Variants in BRWD1 observed in about 807,000 individuals in gnomAD.
BRWD1 encodes the protein bromodomain and WD repeat domain containing 1.
In BRWD1, 82 loss-of-function variants were observed where a neutral mutation model predicts 251.2. The ratio of observed to expected loss-of-function variants is 0.33; its 90% CI spans 0.27 to 0.39. The LOEUF (loss-of-function observed/expected upper bound fraction) is 0.39, where lower values mean the gene tolerates loss of function less well. BRWD1 is among the 10% of genes least tolerant of loss of function. BRWD1 has a pLI of 1.00. For missense variants in BRWD1, 2,233 were observed against 2,711.6 expected, an observed-to-expected ratio of 0.82 and a Z score of 3.92; for synonymous variants, 918 against 902.8, an observed-to-expected ratio of 1.02 and a Z score of -0.30.
chr21:39,232,907 T>C (rs1331192106), intron 23 of BRWD1, among the ~76,000 whole-genome samples: 5 of 152,174 alleles, frequency 3.3e-5, no homozygotes, highest in Non-Finnish European at 1.5e-5. Context: ...AAAATATGCC[T>C]ACAAATTCCC....
At position 39,296,500 on chromosome 21, in the gene BRWD1, G is replaced by A. The variant is rs1374095610; in HGVS notation, c.350-137C>T. ...TAGTATACTTTAACAGAAAAGCCCT[G>A]GAGGTTTATTAGACTATTTCTGAAG... On this transcript the variant is annotated intron_variant, in intron 5 of 40. Coordinates refer to ENST00000342449, the MANE Select transcript of BRWD1 (RefSeq NM_033656.4). 3.2e-6 allele frequency: 4 copies of A among 1,262,072 alleles called. No homozygotes were observed. The African/African-American group carries it at 4.6e-5, about 15-fold the overall frequency. The allele number at this position is 1,262,072 out of a possible 1,614,324, so 78.2% of individuals were successfully genotyped here.
Position 39,194,600 on chromosome 21 carries a change from A to G in BRWD1, c.*1659T>C. ...TGTCCAAAAACATCCTTCCCCATGC[A>G]TCAGAGTAGAAAGAAAATGTACCTT... On this transcript the variant is annotated 3_prime_UTR_variant, in exon 41 of 41. Coordinates refer to ENST00000342449, the MANE Select transcript of BRWD1 (RefSeq NM_033656.4). 1.3e-6 allele frequency: 2 copies of G among 1,503,558 alleles called. No individual in the cohort carries two copies. Among genetic ancestry groups the G allele is most frequent in the Non-Finnish European group, 1.8e-6 (2 of 1,130,468 alleles). The allele number at this position is 1,503,558 out of a possible 1,614,324, so 93.1% of individuals were successfully genotyped here. A position where few individuals can be genotyped will look rare whatever the true frequency, so the allele number is the denominator to read the frequency against.
chr21:39,271,707 A>AAAG (rs1424326540), intron 13 of BRWD1, among the ~76,000 whole-genome samples: 63 of 150,574 alleles, frequency 4.2e-4, no homozygotes, highest in African/African-American at 1.3e-3. Context: ...AAAAAAAAAA[A>AAAG]AAAAAAAAAA....
rs1178481234 is a variant in BRWD1, at chr21:39,202,349, T to C, written c.4561A>G (p.Ile1521Val). ...CCAGATAATGTAGAACCATTTGTTA[T>C]AGGTCTATTTCTTTTCCTCCTTTCT... ...SSERRKRNRP[I>V]TNGSTLSESE... The change falls in exon 38 of 41, where the codon ATA becomes GTA. Residue 1521 changes from isoleucine to valine, a missense_variant. Coordinates refer to ENST00000342449, the MANE Select transcript of BRWD1 (RefSeq NM_033656.4). 21 of 1,612,982 alleles carry C rather than the reference T, an allele frequency of 1.3e-5. No individual in the cohort carries two copies. Among genetic ancestry groups the C allele is most frequent in the Non-Finnish European group, 1.6e-5 (19 of 1,179,276 alleles).
chr21:39,312,768 C>T, intron 4 of BRWD1, 73 bp downstream of exon 4: 2 of 1,328,574 alleles, frequency 1.5e-6, no homozygotes, highest in Non-Finnish European at 2.1e-6. Context: ...GGCCGGGGTC[C>T]CCGCGAGGGG....
At chr21:39,280,608 C>A (rs1213262934) in intron 8 of BRWD1, among the ~76,000 whole-genome samples, 5 of 151,960 alleles carry the variant, frequency 3.3e-5, no homozygotes, top group African/African-American at 1.2e-4. Context: ...CAAAACTAGA[C>A]CCTATTCAAC....
At chr21:39,227,951 G>A (rs543696472) in intron 27 of BRWD1, among the ~76,000 whole-genome samples, 2 of 152,140 alleles carry the variant, frequency 1.3e-5, no homozygotes, top group South Asian at 4.2e-4. Context: ...TTTTCCAAAC[G>A]TCATGAACCA....
intron 29 of BRWD1, chr21:39,219,908 T>A (rs2033105421): frequency 6.6e-6 from 1 of 152,194 alleles, no homozygotes; most frequent in Non-Finnish European, 1.5e-5. Context: ...GGCAGAGACA[T>A]CCCACTGCCC....
chr21:39,266,222 C>T (rs962742709), intron 15 of BRWD1, among the ~76,000 whole-genome samples: 2 of 152,068 alleles, frequency 1.3e-5, no homozygotes, highest in African/African-American at 4.8e-5. Context: ...TAAAGTTACT[C>T]GGATATTCAG....
At position 39,187,714 on chromosome 21, in the gene BRWD1, C is replaced by G. The variant is rs2031323100; in HGVS notation, c.*8545G>C. On this transcript the variant is annotated 3_prime_UTR_variant, in exon 41 of 41. Transcript: ENST00000342449. ...GCTAATCTAAAAACATATATATGAG[C>G]ATTTTACATAATTTGAATTACTAAA... The G allele has an allele frequency of 3.0e-6, 3 of 985,108 alleles. No individual in the cohort carries two copies. Among genetic ancestry groups the G allele is most frequent in the Middle Eastern group, 5.2e-4 (1 of 1,936 alleles). 61.0% of individuals were successfully genotyped at this position (985,108 alleles called of 1,614,324 possible). A position where few individuals can be genotyped will look rare whatever the true frequency, so the allele number is the denominator to read the frequency against.
intron 17 of BRWD1, among the ~76,000 whole-genome samples, chr21:39,258,972 T>C (rs918839878): frequency 2.0e-5 from 3 of 152,280 alleles, no homozygotes; most frequent in Non-Finnish European, 4.4e-5. Context: ...TTCACACTAA[T>C]GCCCCTCACC....
chr21:39,301,454 C>G (rs1195456030), intron 4 of BRWD1, among the ~76,000 whole-genome samples: 5 of 149,204 alleles, frequency 3.4e-5, no homozygotes, highest in Non-Finnish European at 6.0e-5. Context: ...TGAGAGTGGC[C>G]AATAGTCAGG....
chr21:39,277,834 G>A (rs1457005514), intron 10 of BRWD1, among the ~76,000 whole-genome samples: 1 of 151,908 alleles, frequency 6.6e-6, no homozygotes, highest in African/African-American at 2.4e-5. Flanking sequence ...CTAAAGTGTT[G>A]GGATTACAGG....
intron 14 of BRWD1, 117 bp downstream of exon 14, chr21:39,270,166 T>C (rs1457499030): frequency 2.4e-5 from 29 of 1,202,982 alleles, no homozygotes; most frequent in Non-Finnish European, 2.9e-5. Flanking sequence ...AAATTTCTAA[T>C]CATTTCATAG....
chr21:39,196,286 C>T lies in BRWD1; in HGVS notation c.6783G>A (p.Val2261=). ...DGDDDRSLEN[V]LDFNGCTL The stretch of plus-strand genomic sequence containing the variant: ...ATAAGGTGCAACCATTGAAATCTAA[C>T]ACATTTTCTAAACTTCTGTCATCAT... The change falls in exon 41 of 41, where the codon GTG becomes GTA. Residue 2261 remains valine (V), a synonymous_variant. Coordinates refer to ENST00000342449, the MANE Select transcript of BRWD1 (RefSeq NM_033656.4). 6.2e-7 allele frequency: 1 copy of T among 1,605,754 alleles called. No homozygotes were observed. The highest frequency in any genetic ancestry group is 8.5e-7 in the Non-Finnish European group (1 of 1,176,186).
chr21:39,213,892 C>T (rs2032769461), intron 32 of BRWD1, among the ~76,000 whole-genome samples: 1 of 149,622 alleles, frequency 6.7e-6, no homozygotes, highest in Admixed American at 6.6e-5. Flanking sequence ...ACCAGGAAAA[C>T]AGTTGATTTA....
intron 27 of BRWD1, among the ~76,000 whole-genome samples, chr21:39,227,232 A>G (rs2033420430): frequency 6.6e-6 from 1 of 152,354 alleles, no homozygotes; most frequent in East Asian, 1.9e-4. Flanking sequence ...ATGAATGTGT[A>G]CACCAGATGA....
In BRWD1 at chr21:39,192,726, A is replaced by C; in HGVS notation, c.*3533T>G. 1.0e-6 allele frequency: 1 copy of C among 985,132 alleles called. No individual in the cohort carries two copies. Among genetic ancestry groups the C allele is most frequent in the Non-Finnish European group, 1.2e-6 (1 of 829,698 alleles). 61.0% of individuals were successfully genotyped at this position (985,132 alleles called of 1,614,324 possible). On this transcript the variant is annotated 3_prime_UTR_variant, in exon 41 of 41. Transcript: ENST00000342449. ...TTTTCTAGCCATTTAAAAGTTACTC[A>C]AAAAATTGATACAATGGAGTGGAAA...
chr21:39,187,183 T>TG lies in BRWD1; in HGVS notation c.*9075dup, dbSNP rs566481004. 6.1e-5 allele frequency: 98 copies of TG among 1,613,708 alleles called. No individual in the cohort carries two copies. The Admixed American group carries it at 6.7e-4, about 11-fold the overall frequency. On this transcript the variant is annotated 3_prime_UTR_variant, in exon 41 of 41. Transcript: ENST00000342449. Reference sequence around the variant, plus strand: ...CTTAGCCGCAGCAGAAGCATTTCGATGGGGCAGTTTTCTGCTACTCTTCCT... The same window carrying TG: ...CTTAGCCGCAGCAGAAGCATTTCGATGGGGGCAGTTTTCTGCTACTCTTCCT...
Sources: gnomAD v4.1 joint callset for allele counts (sites outside exome capture counted in the v4.1 genomes callset) on GRCh38, gnomAD v4.1.1 for gene constraint, MANE v1.5 for transcripts, NCBI Gene and HGNC (gene_info 2026-07-23, HGNC 2026-07-21) for gene names.